The following SEMA4D variants were observed in gnomAD, a reference collection of about 807,000 sequenced individuals.
SEMA4D encodes semaphorin 4D.
Under a neutral mutation model 74.8 loss-of-function variants are expected in SEMA4D, and 22 were observed. The observed-to-expected ratio is 0.29, with a 90% CI of 0.21 to 0.42. The LOEUF (loss-of-function observed/expected upper bound fraction) is 0.42. Among genes scored for constraint, SEMA4D ranks in the 10% least tolerant of loss-of-function variants. The probability of loss-of-function intolerance (pLI) is 1.00; values close to 1 mark genes in which losing one functional copy is unlikely to be tolerated. For synonymous variants in SEMA4D, 445 were observed against 463.7 expected (o/e 0.96, Z 0.52); for missense variants, 937 against 1,118.4 (o/e 0.84, Z 2.31).
chr9:89,451,938 C>G (rs545349389), intron 2 of SEMA4D, among the ~76,000 whole-genome samples: 1 of 152,164 alleles, frequency 6.6e-6, no homozygotes, highest in Non-Finnish European at 1.5e-5. Context: ...CTGATCAGCA[C>G]ACTTCTGGTG....
chr9:89,460,649 T>C (rs1403368248), intron 1 of SEMA4D, among the ~76,000 whole-genome samples: 2 of 152,164 alleles, frequency 1.3e-5, no homozygotes, highest in Non-Finnish European at 2.9e-5. Context: ...CTCAAGAATA[T>C]GTCAGAGATA....
rs1453844825 is a variant in SEMA4D, at chr9:89,403,673, A to G, written c.107-657T>C. Among the ~76,000 whole-genome samples the G allele has an allele frequency of 2.0e-5, 3 of 152,212 alleles. No individual in the cohort carries two copies. In the East Asian group the frequency reaches 5.8e-4, roughly 29 times the overall value. On this transcript the variant is annotated intron_variant, in intron 3 of 15. Transcript: ENST00000422704. ...TTAAGAATAATATAAATGTATCAGC[A>G]TTATTTTTTTTAGGACCTGTTTCTT... is the stretch of plus-strand genomic sequence containing the variant.
At chr9:89,417,862 A>G (rs1373910739) in intron 2 of SEMA4D, among the ~76,000 whole-genome samples, 4 of 152,152 alleles carry the variant, frequency 2.6e-5, no homozygotes, top group African/African-American at 9.7e-5. Context: ...GAGACAGACA[A>G]TCACTGTGGG....
At chr9:89,476,762 G>T (rs146249557) in intron 1 of SEMA4D, among the ~76,000 whole-genome samples, 1 of 152,186 alleles carries the variant, frequency 6.6e-6, no homozygotes, top group Non-Finnish European at 1.5e-5. Context: ...CATGGCAAAG[G>T]TATCACGCCA....
At chr9:89,386,066 T>C in intron 13 of SEMA4D, 1 of 985,378 alleles carries the variant, frequency 1.0e-6, no homozygotes, top group Non-Finnish European at 1.2e-6. Flanking sequence ...TAAAAAGGTG[T>C]CTTCATGGAG....
At chr9:89,416,483 G>C (rs1009202862) in intron 2 of SEMA4D, among the ~76,000 whole-genome samples, 1 of 152,140 alleles carries the variant, frequency 6.6e-6, no homozygotes, top group African/African-American at 2.4e-5. Flanking sequence ...CGACCCACCT[G>C]TGTCAACAGA....
Position 89,454,415 on chromosome 9 carries a change from G to GC in SEMA4D, c.-244+1472dup, listed in dbSNP as rs964751897. On this transcript the variant is annotated intron_variant, in intron 2 of 15. Coordinates refer to ENST00000422704, the MANE Select transcript of SEMA4D (RefSeq NM_001371194.2). ...TAGCTTGGTGTGGCTGACATGGTCA[G>GC]CCCCCCCCAGATTTTCACTCCCTCC... Among the ~76,000 whole-genome samples, 49 of 151,834 alleles carry GC rather than the reference G, an allele frequency of 3.2e-4. 1 individual carries two copies. In the East Asian group the frequency reaches 3.3e-3, roughly 10 times the overall value.
intron 2 of SEMA4D, among the ~76,000 whole-genome samples, chr9:89,434,769 T>A (rs183494124): frequency 6.6e-6 from 1 of 152,328 alleles, no homozygotes; most frequent in East Asian, 1.9e-4. Context: ...TCATTCATCC[T>A]CCTGCAGACC....
Position 89,452,135 on chromosome 9 carries a change from C to T in SEMA4D, c.-244+3753G>A, listed in dbSNP as rs552567349. On this transcript the variant is annotated intron_variant, in intron 2 of 15. Transcript: ENST00000422704. ...ACCGGCCCCTCCTGTGTGCCAGAGG[C>T]AGCTGGATGGTGCTAGTACCCTCTA... Among the ~76,000 whole-genome samples, 391 of 151,724 alleles carry T rather than the reference C, an allele frequency of 2.6e-3. 2 individuals are homozygous for T. Among genetic ancestry groups the T allele is most frequent in the African/African-American group, 9.0e-3 (372 of 41,350 alleles).
At chr9:89,404,936 C>T (rs57418952) in intron 3 of SEMA4D, among the ~76,000 whole-genome samples, 955 of 84,064 alleles carry the variant, frequency 0.011, 3 homozygotes, top group African/African-American at 0.023. Context: ...CATCCCATCG[C>T]CAGCCACCCA....
intron 3 of SEMA4D, among the ~76,000 whole-genome samples, chr9:89,403,465 A>G (rs943019424): frequency 3.3e-5 from 5 of 152,224 alleles, no homozygotes; most frequent in Non-Finnish European, 7.3e-5. Flanking sequence ...CTTATTCAGG[A>G]AAAGAATGTT....
rs1164024171 is a variant in SEMA4D at position 89,381,028 on chromosome 9, G to C, written c.1663+27C>G. On this transcript the variant is annotated intron_variant, in intron 15 of 15. Coordinates refer to ENST00000422704, the MANE Select transcript of SEMA4D (RefSeq NM_001371194.2). This position sits in a 1 kb window ranked among gnomAD's most constrained non-coding sequence, Gnocchi z 4.6. ...CTACAAGACCTCGCCACTCCCAAAGGAAATGGGACGTCGAGGAGTCACTCA... is the reference window on the plus strand; with the variant it reads ...CTACAAGACCTCGCCACTCCCAAAGCAAATGGGACGTCGAGGAGTCACTCA... 1 of 1,613,342 alleles carries C rather than the reference G, an allele frequency of 6.2e-7. No homozygotes were observed. The highest frequency in any genetic ancestry group is 8.5e-7 in the Non-Finnish European group (1 of 1,179,412).
At chr9:89,436,780 T>C (rs907312158) in intron 2 of SEMA4D, among the ~76,000 whole-genome samples, 1 of 152,202 alleles carries the variant, frequency 6.6e-6, no homozygotes, top group Non-Finnish European at 1.5e-5. Flanking sequence ...CACACCATTG[T>C]CCACCCATGG....
chr9:89,378,912 A>C lies in SEMA4D; in HGVS notation c.2381T>G (p.Val794Gly), dbSNP rs747827398. 26 of 1,614,156 alleles carry C rather than the reference A, an allele frequency of 1.6e-5. 3 individuals are homozygous for C. The South Asian group carries it at 2.9e-4, about 18-fold the overall frequency. Reference sequence around the variant, plus strand: ...CTGCTGGGAGAAGCTCCCTGGCTCTACTAACGTCTCCTTCAGGCTCTGCTC... The same window carrying C: ...CTGCTGGGAGAAGCTCCCTGGCTCTCCTAACGTCTCCTTCAGGCTCTGCTC... Reference protein sequence around the residue: ...DREQSLKETLVEPGSFSQQNG... With the variant: ...DREQSLKETLGEPGSFSQQNG... Residue 794 changes from valine (V) to glycine (G), a missense_variant, in exon 16 of 16, where the codon GTA (valine) becomes GGA (glycine). Physicochemically the swap from Val to Gly is moderately radical, Grantham distance 109 (BLOSUM62 -3). Transcript: ENST00000422704.
Position 89,393,626 on chromosome 9 carries a change from T to C in SEMA4D, c.444A>G (p.Lys148=), listed in dbSNP as rs778262040. 150 of 1,614,048 alleles carry C rather than the reference T, an allele frequency of 9.3e-5. 3 individuals are homozygous for C. The Admixed American group carries it at 2.4e-3, about 25-fold the overall frequency. Residue 148 remains lysine, a synonymous_variant, in exon 7 of 16, where the codon AAA becomes AAG. Transcript: ENST00000422704. ...GACATCTTCCTTTGCCATCTTCATTTTTCCCCAGAAACTTAAAGGATGTTA... is the reference window on the plus strand; with the variant it reads ...GACATCTTCCTTTGCCATCTTCATTCTTCCCCAGAAACTTAAAGGATGTTA... ...LNLTSFKFLG[K]NEDGKGRCPF...
At chr9:89,389,393 C>T (rs1192151609) in intron 9 of SEMA4D, among the ~76,000 whole-genome samples, 1 of 152,364 alleles carries the variant, frequency 6.6e-6, no homozygotes, top group Admixed American at 6.5e-5. Flanking sequence ...ACTGCCAAGG[C>T]CCCTGGCATT....
intron 15 of SEMA4D, 62 bp downstream of exon 15, chr9:89,380,993 C>T (rs368060499): frequency 7.5e-5 from 120 of 1,589,412 alleles, no homozygotes; most frequent in South Asian, 1.1e-4. Flanking sequence ...ACTGAAGCAC[C>T]GTGAAATGGC....
Position 89,450,414 on chromosome 9 carries a change from G to A in SEMA4D, c.-244+5474C>T, listed in dbSNP as rs1249056259. The A allele has an allele frequency of 7.7e-6, 10 of 1,294,516 alleles. 1 individual carries two copies. In the Middle Eastern group the frequency reaches 1.4e-3, roughly 175 times the overall value. 80.2% of individuals were successfully genotyped at this position (1,294,516 alleles called of 1,614,324 possible). On this transcript the variant is annotated intron_variant, in intron 2 of 15. Coordinates refer to ENST00000422704, the MANE Select transcript of SEMA4D (RefSeq NM_001371194.2). ...ATTTACTTCAAGAGCATGTGAAGATGAGAAGAAGGCTTGGATGGGTGTGGT... is the reference window on the plus strand; with the variant it reads ...ATTTACTTCAAGAGCATGTGAAGATAAGAAGAAGGCTTGGATGGGTGTGGT...
At chr9:89,363,437 T>C in exon 18 of SEMA4D, 1 of 1,613,296 alleles carries the variant, frequency 6.2e-7, no homozygotes, top group East Asian at 2.2e-5. Context: ...TACCCACGCC[T>C]TCCTCCAGCT....
Sources: gnomAD v4.1 joint callset for allele counts (sites outside exome capture counted in the v4.1 genomes callset) on GRCh38, gnomAD v4.1.1 for gene constraint, Gnocchi (gnomAD v3.1) non-coding constraint, MANE v1.5 for transcripts, NCBI Gene and HGNC (gene_info 2026-07-23, HGNC 2026-07-21) for gene names.